Variants in PASD1 observed in about 807,000 individuals in gnomAD.
The protein encoded by PASD1 is circadian clock protein PASD1.
Under a neutral mutation model 58.8 loss-of-function variants are expected in PASD1, and 13 were observed. The observed-to-expected ratio is 0.22, with a 90% CI of 0.14 to 0.35. PASD1 has a LOEUF of 0.35. Among genes scored for constraint, PASD1 ranks in the 10% least tolerant of loss-of-function variants. The probability of loss-of-function intolerance (pLI) is 1.00; values close to 1 mark genes in which losing one functional copy is unlikely to be tolerated. For missense variants in PASD1, 734 were observed against 568.3 expected (o/e 1.29, Z -2.96); for synonymous variants, 236 against 216.7 (o/e 1.09, Z -0.78).
At chrX:151,621,401 C>A in intron 5 of PASD1, 81 bp from the exon 6 acceptor site, 1 of 721,752 alleles carries the variant, frequency 1.4e-6, no homozygotes, top group Non-Finnish European at 2.0e-6. Flanking sequence ...CGAAGAAAGA[C>A]ATTGGTCATA....
intron 8 of PASD1, among the ~76,000 whole-genome samples, chrX:151,635,236 G>A (rs1005405167): frequency 9.0e-6 from 1 of 110,880 alleles, no homozygotes; most frequent in Admixed American, 9.7e-5. Flanking sequence ...AGAGAAATCA[G>A]CCAGTTCTCT....
At chrX:151,665,905 T>A (rs868529857) in intron 11 of PASD1, among the ~76,000 whole-genome samples, 1 of 107,146 alleles carries the variant, frequency 9.3e-6, no homozygotes, top group East Asian at 2.9e-4. Flanking sequence ...TGTGTGTGTT[T>A]TTTTTTTTTT....
intron 1 of PASD1, among the ~76,000 whole-genome samples, chrX:151,567,579 T>A (rs2012865333): frequency 8.9e-6 from 1 of 111,873 alleles, no homozygotes; most frequent in African/African-American, 3.3e-5. Context: ...CTGTCTCTAG[T>A]CATGCTGATG....
chrX:151,609,364 G>A (rs2013524068), intron 3 of PASD1, among the ~76,000 whole-genome samples: 1 of 111,411 alleles, frequency 9.0e-6, no homozygotes, highest in Non-Finnish European at 1.9e-5. Context: ...AGAATTCAGT[G>A]GCATTAAGTA....
intron 1 of PASD1, among the ~76,000 whole-genome samples, chrX:151,589,713 C>G (rs2013219572): frequency 8.9e-6 from 1 of 111,953 alleles, no homozygotes; most frequent in African/African-American, 3.2e-5. Flanking sequence ...AGCCCAGTCT[C>G]TTCACTCTTC....
At chrX:151,673,605 A>G in intron 14 of PASD1, 1 of 326,348 alleles carries the variant, frequency 3.1e-6, no homozygotes, top group Middle Eastern at 8.8e-4. Flanking sequence ...CTGCTCAGCC[A>G]TTAGCTCCCT....
chrX:151,634,476 G>A lies in PASD1; in HGVS notation c.629+8946G>A, dbSNP rs144313849. On this transcript the variant is annotated intron_variant, in intron 8 of 15. Coordinates refer to ENST00000370357, the MANE Select transcript of PASD1 (RefSeq NM_173493.3). ...ATTCCACAGTCCATATTCAAATTTTGTCAGTTATCTTTTGTAGCTTTTTTT... is the reference window on the plus strand; with the variant it reads ...ATTCCACAGTCCATATTCAAATTTTATCAGTTATCTTTTGTAGCTTTTTTT... Among the ~76,000 whole-genome samples the A allele has an allele frequency of 1.5e-3, 163 of 110,701 alleles. 4 individuals carry two copies. The East Asian group carries it at 0.045, about 30-fold the overall frequency.
At chrX:151,626,774 T>C (rs1421710644) in intron 8 of PASD1, among the ~76,000 whole-genome samples, 3 of 111,478 alleles carry the variant, frequency 2.7e-5, no homozygotes, top group Non-Finnish European at 5.7e-5. Flanking sequence ...GTGAGAAGAG[T>C]GAGCTGGAAG....
chrX:151,670,047 C>T (rs1490686936), intron 11 of PASD1, among the ~76,000 whole-genome samples: 1 of 112,007 alleles, frequency 8.9e-6, no homozygotes, highest in Non-Finnish European at 1.9e-5. Flanking sequence ...CACATCCTCA[C>T]CAGCATTTGT....
rs951877498 is a variant in PASD1, at chrX:151,660,818, A to G, written c.841+982A>G. On this transcript the variant is annotated intron_variant, in intron 10 of 15. Coordinates refer to ENST00000370357, the MANE Select transcript of PASD1 (RefSeq NM_173493.3). ...CTGGGTTTCTCACTATCACTTACAG[A>G]TAATTTAGTAGCTTTGTTTACTTGG... 2.8e-4 allele frequency among the ~76,000 whole-genome samples: 32 copies of G among 112,496 alleles called. 1 individual carries two copies. The highest frequency in any genetic ancestry group is 5.6e-5 in the Non-Finnish European group (3 of 53,330).
intron 2 of PASD1, among the ~76,000 whole-genome samples, chrX:151,604,135 A>G (rs886469263): frequency 1.8e-5 from 2 of 111,638 alleles, no homozygotes; most frequent in East Asian, 5.6e-4. Flanking sequence ...GATAGGACAG[A>G]TGGGGGAGAG....
chrX:151,639,581 A>C (rs1328083383), intron 8 of PASD1, among the ~76,000 whole-genome samples: 1 of 111,950 alleles, frequency 8.9e-6, no homozygotes, highest in East Asian at 2.8e-4. Context: ...CCCCTCAAGA[A>C]ACAGTTCCAT....
rs1365386928 is a variant in PASD1, at chrX:151,674,145, G to A, written c.2134G>A (p.Asp712Asn). ...PVVQVNTWSC[D>N]EQGTLHGQPT... ...TGTCCAAGTGAACACTTGGTCTTGC[G>A]ATGAGCAGGGCACCCTGCACGGCCA... The change falls in exon 15 of 16, where the codon GAT becomes AAT. Residue 712 changes from aspartate (D) to asparagine (N), a missense_variant. Coordinates refer to ENST00000370357, the MANE Select transcript of PASD1 (RefSeq NM_173493.3). 8.3e-7 allele frequency: 1 copy of A among 1,211,905 alleles called. No individual in the cohort carries two copies. The highest frequency in any genetic ancestry group is 1.1e-6 in the Non-Finnish European group (1 of 895,558).
intron 10 of PASD1, among the ~76,000 whole-genome samples, chrX:151,661,878 G>T (rs1223028162): frequency 8.9e-6 from 1 of 112,247 alleles, no homozygotes; most frequent in Non-Finnish European, 1.9e-5. Context: ...GCATTTTGGG[G>T]AAGAATACCA....
At chrX:151,633,910 C>G (rs1227105040) in intron 8 of PASD1, among the ~76,000 whole-genome samples, 1 of 111,847 alleles carries the variant, frequency 8.9e-6, no homozygotes, top group Non-Finnish European at 1.9e-5. Context: ...GCATATTCTT[C>G]TCAAGTAATA....
chrX:151,567,319 C>T (rs1380798271), intron 1 of PASD1, among the ~76,000 whole-genome samples: 1 of 110,502 alleles, frequency 9.0e-6, no homozygotes, highest in Non-Finnish European at 1.9e-5. Flanking sequence ...ATGAGGAGCA[C>T]CGGGACCAGG....
intron 1 of PASD1, among the ~76,000 whole-genome samples, chrX:151,590,684 G>A (rs985580491): frequency 9.0e-6 from 1 of 111,086 alleles, no homozygotes; most frequent in African/African-American, 3.3e-5. Context: ...AGGCTCAAGC[G>A]ATCCTCCCAC....
At chrX:151,652,562 CAAAAA>C (rs373106588) in intron 9 of PASD1, among the ~76,000 whole-genome samples, 2 of 101,531 alleles carry the variant, frequency 2.0e-5, no homozygotes, top group Admixed American at 2.1e-4. Context: ...AACAAACAAA[CAAAAA>C]AAACTCAACC....
intron 10 of PASD1, 59 bp from the exon 11 acceptor site, chrX:151,664,060 T>C: frequency 8.4e-7 from 1 of 1,196,795 alleles, no homozygotes; most frequent in Non-Finnish European, 1.1e-6. Context: ...ACAGTCTTTT[T>C]GATAACATTA....
Sources: allele counts gnomAD v4.1 joint callset (sites outside exome capture counted in the v4.1 genomes callset), GRCh38; gene constraint gnomAD v4.1.1; transcripts MANE v1.5; gene names NCBI Gene and HGNC (gene_info 2026-07-23, HGNC 2026-07-21).